Variants in GPC5 observed in about 807,000 individuals in gnomAD.
The protein encoded by GPC5 is glypican 5, also known as glypican-5.
GPC5 carries 47 observed loss-of-function variants against 53.9 expected under a neutral mutation model. The ratio of observed to expected loss-of-function variants is 0.87; its 90% CI spans 0.69 to 1.11. The LOEUF is 1.11. Ranked by LOEUF, GPC5 falls within the 50% of genes most tolerant of loss-of-function variation. The pLI is 0.00. For synonymous variants in GPC5, 286 were observed against 263.3 expected (o/e 1.09, Z -0.84); for missense variants, 748 against 713.1 (o/e 1.05, Z -0.56).
At chr13:92,571,387 G>C (rs779363701) in intron 7 of GPC5, among the ~76,000 whole-genome samples, 28 of 152,276 alleles carry the variant, frequency 1.8e-4, no homozygotes, top group Non-Finnish European at 4.0e-4. Flanking sequence ...GAAAGAAGGA[G>C]CCAGGCCATG....
At chr13:92,649,958 A>G (rs1285300791) in intron 7 of GPC5, among the ~76,000 whole-genome samples, 1 of 152,128 alleles carries the variant, frequency 6.6e-6, no homozygotes, top group Non-Finnish European at 1.5e-5. Flanking sequence ...AAATATTCAC[A>G]ATTGATGGAT....
chr13:91,822,606 C>T (rs2038513395), intron 5 of GPC5, among the ~76,000 whole-genome samples: 1 of 152,116 alleles, frequency 6.6e-6, no homozygotes, highest in Non-Finnish European at 1.5e-5. Flanking sequence ...GACCTATTCA[C>T]TATCATGAAA....
At chr13:92,793,183 G>A (rs1876529323) in intron 7 of GPC5, among the ~76,000 whole-genome samples, 1 of 152,030 alleles carries the variant, frequency 6.6e-6, no homozygotes. Flanking sequence ...ACAACAAACT[G>A]TCTCTCAGAC....
chr13:91,637,287 T>C (rs1341062809), intron 2 of GPC5, among the ~76,000 whole-genome samples: 3 of 152,198 alleles, frequency 2.0e-5, no homozygotes, highest in Admixed American at 2.0e-4. Flanking sequence ...TCATGAAGTG[T>C]ACTTACATTA....
At chr13:92,356,172 A>G (rs960090012) in intron 7 of GPC5, among the ~76,000 whole-genome samples, 3 of 152,058 alleles carry the variant, frequency 2.0e-5, no homozygotes, top group Non-Finnish European at 4.4e-5. Flanking sequence ...TTGTTTGTTT[A>G]TTTATTTCAC....
intron 6 of GPC5, among the ~76,000 whole-genome samples, chr13:91,944,627 A>G (rs1450462088): frequency 6.6e-6 from 1 of 152,186 alleles, no homozygotes; most frequent in Non-Finnish European, 1.5e-5. Flanking sequence ...CATTTTCTAT[A>G]CCATATATTC....
At chr13:92,683,453 T>C (rs1887165852) in intron 7 of GPC5, among the ~76,000 whole-genome samples, 2 of 152,192 alleles carry the variant, frequency 1.3e-5, no homozygotes, top group South Asian at 4.1e-4. Flanking sequence ...CCGCTACTTA[T>C]GGCCTGCTAG....
At chr13:91,826,256 C>G (rs183770483) in intron 5 of GPC5, among the ~76,000 whole-genome samples, 2 of 152,110 alleles carry the variant, frequency 1.3e-5, no homozygotes, top group African/African-American at 2.4e-5. Flanking sequence ...TACGTTCAAG[C>G]ACTTAAAGGT....
chr13:91,476,896 G>A (rs2139199151), intron 2 of GPC5, among the ~76,000 whole-genome samples: 1 of 152,274 alleles, frequency 6.6e-6, no homozygotes, highest in South Asian at 2.1e-4. Context: ...TTGGCTGAAG[G>A]CAGAGGCAAA....
intron 7 of GPC5, among the ~76,000 whole-genome samples, chr13:92,338,072 T>C (rs936677478): frequency 1.3e-5 from 2 of 151,998 alleles, no homozygotes; most frequent in African/African-American, 2.4e-5. Flanking sequence ...AGATAAAGGA[T>C]TGTTATCCCA....
chr13:92,044,936 T>C (rs968444931), intron 6 of GPC5, among the ~76,000 whole-genome samples: 2 of 152,200 alleles, frequency 1.3e-5, no homozygotes, highest in African/African-American at 4.8e-5. Context: ...ATTAGTGTAT[T>C]TATTTGGTTA....
At chr13:92,402,378 T>C (rs1875598646) in intron 7 of GPC5, among the ~76,000 whole-genome samples, 1 of 152,196 alleles carries the variant, frequency 6.6e-6, no homozygotes, top group Admixed American at 6.5e-5. Flanking sequence ...AAGCAATCAA[T>C]ATGTGAGTCT....
chr13:91,571,063 G>T (rs1192584753), intron 2 of GPC5, among the ~76,000 whole-genome samples: 1 of 152,046 alleles, frequency 6.6e-6, no homozygotes, highest in Non-Finnish European at 1.5e-5. Context: ...AATTCTTGTT[G>T]TATTTGGCTT....
In GPC5 at chr13:91,513,933, C is replaced by A. The variant is rs1330563822; in HGVS notation, c.325+65011C>A. ...GTATGTAACTTTTTAAAAATCCACTCAGCATAATTCCCTTGAGATTTATTC... is the reference window on the plus strand; with the variant it reads ...GTATGTAACTTTTTAAAAATCCACTAAGCATAATTCCCTTGAGATTTATTC... On this transcript the variant is annotated intron_variant, in intron 2 of 7. Transcript: ENST00000377067. Among the ~76,000 whole-genome samples, 4 of 152,166 alleles carry A rather than the reference C, an allele frequency of 2.6e-5. 1 individual carries two copies. Among genetic ancestry groups the A allele is most frequent in the Non-Finnish European group, 5.9e-5 (4 of 68,022 alleles).
At chr13:92,393,005 G>GC (rs1875082727) in intron 7 of GPC5, among the ~76,000 whole-genome samples, 2 of 152,190 alleles carry the variant, frequency 1.3e-5, no homozygotes, top group African/African-American at 4.8e-5. Flanking sequence ...TCCTCAAAGA[G>GC]CTAAAAGCGT....
intron 7 of GPC5, among the ~76,000 whole-genome samples, chr13:92,599,653 C>T (rs888772775): frequency 6.6e-6 from 1 of 152,146 alleles, no homozygotes; most frequent in Non-Finnish European, 1.5e-5. Context: ...AGGATAATGG[C>T]ATGAGGATGA....
intron 5 of GPC5, among the ~76,000 whole-genome samples, chr13:91,812,984 C>A (rs2038337377): frequency 6.6e-6 from 1 of 152,158 alleles, no homozygotes; most frequent in African/African-American, 2.4e-5. Context: ...ATACATTTTA[C>A]CTGTTAAAAA....
At chr13:92,604,359 CAATA>C (rs1328502304) in intron 7 of GPC5, among the ~76,000 whole-genome samples, 1 of 151,984 alleles carries the variant, frequency 6.6e-6, no homozygotes. Context: ...TGTAAATACT[CAATA>C]AATGTTAAAA....
At chr13:92,584,701 T>G (rs943651032) in intron 7 of GPC5, among the ~76,000 whole-genome samples, 13 of 152,282 alleles carry the variant, frequency 8.5e-5, no homozygotes, top group Admixed American at 5.2e-4. Flanking sequence ...GAGGTCTTCA[T>G]GGCAGCCCTT....
Sources: gnomAD v4.1 joint callset for allele counts (sites outside exome capture counted in the v4.1 genomes callset) on GRCh38, gnomAD v4.1.1 for gene constraint, MANE v1.5 for transcripts, NCBI Gene and HGNC (gene_info 2026-07-23, HGNC 2026-07-21) for gene names.